Variants in TUBGCP4 observed in about 807,000 individuals in gnomAD.
TUBGCP4 encodes the protein gamma-tubulin complex component 4.
Under a neutral mutation model 91.6 loss-of-function variants are expected in TUBGCP4, and 54 were observed. The observed-to-expected ratio is 0.59, with a 90% CI of 0.47 to 0.74. The LOEUF (loss-of-function observed/expected upper bound fraction) is 0.74. TUBGCP4 is among the 30% of genes least tolerant of loss of function. The pLI, the probability that TUBGCP4 is intolerant of heterozygous loss-of-function variation, is 0.00. For synonymous variants in TUBGCP4, 297 were observed against 302.8 expected (o/e 0.98, Z 0.20); for missense variants, 593 against 800.9 (o/e 0.74, Z 3.13).
rs755029173 is a variant in TUBGCP4, at chr15:43,399,163, A to C, written c.1419-881A>C. 12 of 1,245,644 alleles carry C rather than the reference A, an allele frequency of 9.6e-6. No individual in the cohort carries two copies. In the South Asian group the frequency reaches 1.6e-4, roughly 17 times the overall value. 77.2% of individuals were successfully genotyped at this position (1,245,644 alleles called of 1,614,324 possible). On this transcript the variant is annotated intron_variant, in intron 13 of 17. Transcript: ENST00000564079. ...GAATGGGACTGTCTTCTGCAAGCCTACCTACAAACAGGTAAATAAATCCTA... is the reference window on the plus strand; with the variant it reads ...GAATGGGACTGTCTTCTGCAAGCCTCCCTACAAACAGGTAAATAAATCCTA...
chr15:43,379,153 T>C (rs1158651364), intron 5 of TUBGCP4, among the ~76,000 whole-genome samples: 1 of 152,200 alleles, frequency 6.6e-6, no homozygotes, highest in African/African-American at 2.4e-5. Context: ...AATCAGGTGG[T>C]CAAAATTCTA....
Position 43,404,499 on chromosome 15 carries a change from G to C in TUBGCP4, c.1935G>C (p.Leu645=). ...HQINSDLAQL[L]LRLDYNKYYT... is the part of the protein sequence containing the mutation. ...TCAACTCAGATTTGGCTCAACTACT[G>C]TTACGACTAGATTATAACAAATACT... The change falls in exon 17 of 18, where the codon CTG becomes CTC. Residue 645 remains leucine, a synonymous_variant. Transcript: ENST00000564079. 6.2e-7 allele frequency: 1 copy of C among 1,614,112 alleles called. No homozygotes were observed. Among genetic ancestry groups the C allele is most frequent in the Non-Finnish European group, 8.5e-7 (1 of 1,180,018 alleles).
chr15:43,395,322 T>C, intron 10 of TUBGCP4, 165 bp downstream of exon 10: 1 of 768,398 alleles, frequency 1.3e-6, no homozygotes. Flanking sequence ...AAATCTACGA[T>C]AATACAAAGA....
intron 6 of TUBGCP4, among the ~76,000 whole-genome samples, chr15:43,382,862 T>C (rs1337965896): frequency 6.6e-6 from 1 of 152,242 alleles, no homozygotes; most frequent in African/African-American, 2.4e-5. Context: ...TGGTTTTTCA[T>C]GTATACCTGG....
chr15:43,400,324 G>C, intron 14 of TUBGCP4, 103 bp downstream of exon 14: 1 of 941,678 alleles, frequency 1.1e-6, no homozygotes, highest in Non-Finnish European at 1.5e-6. Context: ...TGATAAAATG[G>C]TGGGGTTTGG....
In TUBGCP4 at chr15:43,408,795, T is replaced by A; in HGVS notation, c.*3581T>A. 1 of 1,183,208 alleles carries A rather than the reference T, an allele frequency of 8.5e-7. No individual in the cohort carries two copies. Among genetic ancestry groups the A allele is most frequent in the Non-Finnish European group, 1.2e-6 (1 of 820,398 alleles). 73.3% of individuals were successfully genotyped at this position (1,183,208 alleles called of 1,614,324 possible). On this transcript the variant is annotated 3_prime_UTR_variant, in exon 18 of 18. Coordinates refer to ENST00000564079, the MANE Select transcript of TUBGCP4 (RefSeq NM_014444.5). ...CCCACTCAAATTTATCCCACAGACA[T>A]TCCAATTTCTAGAAAGCTTTACTCT...
intron 15 of TUBGCP4, chr15:43,402,655 G>A (rs183936354): frequency 5.3e-5 from 8 of 152,142 alleles, no homozygotes; most frequent in Admixed American, 1.3e-4. Flanking sequence ...TGGAATCATC[G>A]GGACTCTTTA....
chr15:43,385,776 T>A lies in TUBGCP4; in HGVS notation c.724-15T>A. 1.2e-6 allele frequency: 2 copies of A among 1,607,952 alleles called. No homozygotes were observed. The highest frequency in any genetic ancestry group is 1.7e-6 in the Non-Finnish European group (2 of 1,174,624). ...CTTCACACTGCATCTCGATGTGTAC[T>A]CTTTCCTTGACTAGCGCCTGATTGA... is the stretch of plus-strand genomic sequence containing the variant. On this transcript the variant is annotated splice_polypyrimidine_tract_variant and intron_variant, in intron 7 of 17. Coordinates refer to ENST00000564079, the MANE Select transcript of TUBGCP4 (RefSeq NM_014444.5).
intron 7 of TUBGCP4, 87 bp downstream of exon 7, chr15:43,383,591 G>T: frequency 8.2e-7 from 1 of 1,216,214 alleles, no homozygotes; most frequent in Non-Finnish European, 1.1e-6. Context: ...TCCCTTCTTA[G>T]CTCATAGCTG....
rs1385136381 is a variant in TUBGCP4, at chr15:43,401,809, C to G, written c.1690C>G (p.Leu564Val). 1.2e-6 allele frequency: 2 copies of G among 1,614,166 alleles called. No individual in the cohort carries two copies. Among genetic ancestry groups the G allele is most frequent in the East Asian group, 2.2e-5 (1 of 44,876 alleles). ...CATCCGATTGGCTCATGACCACTTC[C>G]TGAGCAATTTGCTGGCTCAATCCTT... is the stretch of plus-strand genomic sequence containing the variant. Reference protein sequence around the residue: ...ESIRLAHDHFLSNLLAQSFIL... With the variant: ...ESIRLAHDHFVSNLLAQSFIL... Residue 564 changes from leucine (L) to valine (V), a missense_variant, in exon 15 of 18, where the codon CTG becomes GTG. Physicochemically the swap from Leu to Val is conservative, Grantham distance 32 (BLOSUM62 1). Transcript: ENST00000564079.
intron 7 of TUBGCP4, 86 bp from the exon 8 acceptor site, chr15:43,385,705 A>G (rs979095548): frequency 1.4e-6 from 2 of 1,408,558 alleles, no homozygotes; most frequent in South Asian, 2.5e-5. Flanking sequence ...ATTTTAAATC[A>G]TGGGTTGGGA....
chr15:43,371,248 C>G lies in TUBGCP4; in HGVS notation c.-107C>G. 2 of 1,195,032 alleles carry G rather than the reference C, an allele frequency of 1.7e-6. No homozygotes were observed. The highest frequency in any genetic ancestry group is 5.0e-5 in the East Asian group (2 of 40,048). 74.0% of individuals were successfully genotyped at this position (1,195,032 alleles called of 1,614,324 possible). ...GTTGATTCGGCACAAACCGCCCGAC[C>G]CAGGGGCCGGTGCGCGTGTGGAAGG... On this transcript the variant is annotated 5_prime_UTR_variant, in exon 1 of 18. Transcript: ENST00000564079.
At position 43,407,781 on chromosome 15, in the gene TUBGCP4, C is replaced by T; in HGVS notation, c.*2567C>T. ...ATATTTAACAAATATACGTCCAGTG[C>T]TTCACTTATGTTGACTCACCTCTTG... On this transcript the variant is annotated 3_prime_UTR_variant, in exon 18 of 18. Coordinates refer to ENST00000564079, the MANE Select transcript of TUBGCP4 (RefSeq NM_014444.5). The T allele has an allele frequency of 1.2e-6, 1 of 808,202 alleles. No individual in the cohort carries two copies. Among genetic ancestry groups the T allele is most frequent in the Non-Finnish European group, 1.9e-6 (1 of 513,410 alleles). The allele number at this position is 808,202 out of a possible 1,614,324, so 50.1% of individuals were successfully genotyped here.
At chr15:43,400,753 T>TA (rs981885269) in intron 14 of TUBGCP4, among the ~76,000 whole-genome samples, 1 of 151,966 alleles carries the variant, frequency 6.6e-6, no homozygotes, top group African/African-American at 2.4e-5. Flanking sequence ...CCATCTCTAC[T>TA]AAAAATACAA....
chr15:43,405,541 C>CA lies in TUBGCP4; in HGVS notation c.*328dup, dbSNP rs2044840532. ...GGTACTGTTCAAGCTGTGGGAGATA[C>CA]AGCGGTAAACAAACAATATAGAGCA... On this transcript the variant is annotated 3_prime_UTR_variant, in exon 18 of 18. Transcript: ENST00000564079. The CA allele has an allele frequency of 1.2e-5, 4 of 325,282 alleles. No individual in the cohort carries two copies. The highest frequency in any genetic ancestry group is 6.3e-5 in the African/African-American group (3 of 47,354). 20.1% of individuals were successfully genotyped at this position (325,282 alleles called of 1,614,324 possible).
chr15:43,406,831 T>C lies in TUBGCP4; in HGVS notation c.*1617T>C. On this transcript the variant is annotated 3_prime_UTR_variant, in exon 18 of 18. Transcript: ENST00000564079. ...TATGGTCACTGTCCCTTCATGGCAG[T>C]TGGTCCTTTCGTTCTCCCTTTAGCT... 3.1e-6 allele frequency: 1 copy of C among 327,034 alleles called. No homozygotes were observed. Among genetic ancestry groups the C allele is most frequent in the Middle Eastern group, 1.1e-3 (1 of 942 alleles). 20.3% of individuals were successfully genotyped at this position (327,034 alleles called of 1,614,324 possible). A position where few individuals can be genotyped will look rare whatever the true frequency, so the allele number is the denominator to read the frequency against.
chr15:43,403,699 A>G lies in TUBGCP4; in HGVS notation c.1748A>G (p.Asn583Ser). Residue 583 changes from asparagine to serine, a missense_variant, in exon 16 of 18, where the codon AAT (asparagine) becomes AGT (serine). Physicochemically the swap from Asn to Ser is conservative, Grantham distance 46 (BLOSUM62 1). Coordinates refer to ENST00000564079, the MANE Select transcript of TUBGCP4 (RefSeq NM_014444.5). ...CCCGGGTAGGTGTTTCACTGCCTGA[A>G]TGAAATCCTAGATCTCTGTCACAGT... Reference protein sequence around the residue: ...ILLKPVFHCLNEILDLCHSFC... With the variant: ...ILLKPVFHCLSEILDLCHSFC... 6.2e-7 allele frequency: 1 copy of G among 1,612,646 alleles called. No individual in the cohort carries two copies. Among genetic ancestry groups the G allele is most frequent in the East Asian group, 2.2e-5 (1 of 44,872 alleles).
At position 43,379,456 on chromosome 15, in the gene TUBGCP4, A is replaced by G. The variant is rs534741938; in HGVS notation, c.442-628A>G. Among the ~76,000 whole-genome samples, 63 of 152,150 alleles carry G rather than the reference A, an allele frequency of 4.1e-4. 1 individual carries two copies. The highest frequency in any genetic ancestry group is 7.5e-4 in the Non-Finnish European group (51 of 68,020). On this transcript the variant is annotated intron_variant, in intron 5 of 17. Coordinates refer to ENST00000564079, the MANE Select transcript of TUBGCP4 (RefSeq NM_014444.5). Reference sequence around the variant, plus strand: ...GGAGATTGAGTCCATCCTGGCTAACACAGTGAAACCCTGTCTCTACTAAAA... The same window carrying G: ...GGAGATTGAGTCCATCCTGGCTAACGCAGTGAAACCCTGTCTCTACTAAAA...
chr15:43,408,562 C>T lies in TUBGCP4; in HGVS notation c.*3348C>T. 1 of 318,852 alleles carries T rather than the reference C, an allele frequency of 3.1e-6. No individual in the cohort carries two copies. Among genetic ancestry groups the T allele is most frequent in the South Asian group, 3.9e-5 (1 of 25,394 alleles). 19.8% of individuals were successfully genotyped at this position (318,852 alleles called of 1,614,324 possible). On this transcript the variant is annotated 3_prime_UTR_variant, in exon 18 of 18. Coordinates refer to ENST00000564079, the MANE Select transcript of TUBGCP4 (RefSeq NM_014444.5). Reference sequence around the variant, plus strand: ...CTGTATTCCTTGCATTCCTGGCTTTCTAATTTCCATGTTTGTTCTGGGGCT... The same window carrying T: ...CTGTATTCCTTGCATTCCTGGCTTTTTAATTTCCATGTTTGTTCTGGGGCT...
Sources: gnomAD v4.1 joint callset for allele counts (sites outside exome capture counted in the v4.1 genomes callset) on GRCh38, gnomAD v4.1.1 for gene constraint, MANE v1.5 for transcripts, NCBI Gene and HGNC (gene_info 2026-07-23, HGNC 2026-07-21) for gene names.